Variants in VWDE observed in about 807,000 individuals in gnomAD.
The protein encoded by VWDE is von Willebrand factor D and EGF domain-containing protein.
In VWDE, 207 loss-of-function variants were observed where a neutral mutation model predicts 178.4. That is an observed-to-expected ratio of 1.16 (90% CI 1.04 to 1.30). The LOEUF (loss-of-function observed/expected upper bound fraction) is 1.30. Among genes scored for constraint, VWDE ranks in the 50% most tolerant of loss-of-function variants. The pLI, the probability that VWDE is intolerant of heterozygous loss-of-function variation, is 0.00. For synonymous variants in VWDE, 738 were observed against 651.4 expected, an observed-to-expected ratio of 1.13 and a Z score of -2.02; for missense variants, 2,287 against 1,901.3, an observed-to-expected ratio of 1.20 and a Z score of -3.77.
chr7:12,342,584 T>C (rs960534161), intron 22 of VWDE, among the ~76,000 whole-genome samples: 1 of 152,084 alleles, frequency 6.6e-6, no homozygotes, highest in South Asian at 2.1e-4. Flanking sequence ...TGGTAACTGT[T>C]GTCATCAATC....
intron 17 of VWDE, 63 bp downstream of exon 17, chr7:12,357,202 T>A: frequency 6.6e-7 from 1 of 1,511,344 alleles, no homozygotes; most frequent in Non-Finnish European, 8.9e-7. Flanking sequence ...GTATTTTAAA[T>A]TCAAATAAAG....
intron 12 of VWDE, 78 bp downstream of exon 12, chr7:12,369,467 G>A: frequency 7.0e-7 from 1 of 1,426,974 alleles, no homozygotes; most frequent in Non-Finnish European, 9.3e-7. Context: ...TTAGGATACT[G>A]AGGGTGAAAT....
chr7:12,361,773 T>C (rs1782594936), intron 13 of VWDE, among the ~76,000 whole-genome samples: 1 of 152,020 alleles, frequency 6.6e-6, no homozygotes, highest in African/African-American at 2.4e-5. Flanking sequence ...AAGTTACCAA[T>C]ATTGGTCATA....
intron 7 of VWDE, chr7:12,377,488 T>A (rs571647180): frequency 4.9e-6 from 1 of 203,016 alleles, no homozygotes; most frequent in South Asian, 1.9e-4. Context: ...GAGAAAAAAA[T>A]AGGAGAAAAA....
rs553522440 is a variant in VWDE, at chr7:12,380,140, A to G, written c.789+346T>C. ...AAAGTAATTAAAAAGTGACATCGTC[A>G]TTTAAAAAATTAAAACATTTTTTCT... On this transcript the variant is annotated intron_variant, in intron 5 of 28. Coordinates refer to ENST00000275358, the MANE Select transcript of VWDE (RefSeq NM_001135924.3). 7.3e-4 allele frequency among the ~76,000 whole-genome samples: 111 copies of G among 151,970 alleles called. 1 individual carries two copies. The highest frequency in any genetic ancestry group is 2.6e-3 in the African/African-American group (109 of 41,508).
rs1782935320 is a variant in VWDE at position 12,367,629 on chromosome 7, CTAAT to C, written c.2762-140_2762-137del. On this transcript the variant is annotated intron_variant, in intron 12 of 28. Transcript: ENST00000275358. ...TATACCTAAAATGCTGCTTACAACACTAATTAAGCCATTAAATGTTAAGAGTAAT... is the reference window on the plus strand; with the variant it reads ...TATACCTAAAATGCTGCTTACAACACTAAGCCATTAAATGTTAAGAGTAAT... 4.1e-5 allele frequency: 26 copies of C among 637,876 alleles called. 1 individual carries two copies. The East Asian group carries it at 7.6e-4, about 19-fold the overall frequency. The allele number at this position is 637,876 out of a possible 1,614,324, so 39.5% of individuals were successfully genotyped here.
chr7:12,336,370 A>G, intron 26 of VWDE, 134 bp from the exon 27 acceptor site: 1 of 711,170 alleles, frequency 1.4e-6, no homozygotes, highest in Non-Finnish European at 2.3e-6. Context: ...TTTCCCTAAT[A>G]TTTTATCAAG....
At chr7:12,383,986 G>C (rs1188981368) in intron 3 of VWDE, among the ~76,000 whole-genome samples, 1 of 152,098 alleles carries the variant, frequency 6.6e-6, no homozygotes, top group African/African-American at 2.4e-5. Context: ...ATATGACATA[G>C]AAATCATGCT....
intron 4 of VWDE, among the ~76,000 whole-genome samples, chr7:12,383,135 T>C (rs999404492): frequency 1.3e-5 from 2 of 152,094 alleles, no homozygotes; most frequent in African/African-American, 4.8e-5. Context: ...AATCAGCAGT[T>C]ACTGGATGTT....
rs962493076 is a variant in VWDE, at chr7:12,337,782, T to C, written c.4367-510A>G. ...TGCTTGGTAAAAATATTTTTAACAA[T>C]AAATCCTTGGTTTTGTTAAGAATAT... On this transcript the variant is annotated intron_variant, in intron 24 of 28. Coordinates refer to ENST00000275358, the MANE Select transcript of VWDE (RefSeq NM_001135924.3). Among the ~76,000 whole-genome samples, 8 of 152,274 alleles carry C rather than the reference T, an allele frequency of 5.3e-5. 1 individual carries two copies. The highest frequency in any genetic ancestry group is 3.4e-3 in the Middle Eastern group (1 of 294).
chr7:12,355,116 A>G (rs1199399229), intron 18 of VWDE, among the ~76,000 whole-genome samples: 1 of 152,156 alleles, frequency 6.6e-6, no homozygotes, highest in Non-Finnish European at 1.5e-5. Flanking sequence ...CATAGTTCCC[A>G]ATGATAAAAT....
Position 12,369,914 on chromosome 7 carries a change from G to A in VWDE, c.2392C>T (p.Pro798Ser), listed in dbSNP as rs556192021. Residue 798 changes from proline to serine, a missense_variant, in exon 12 of 29, where the codon CCC becomes TCC. By Grantham distance (74) the Pro-to-Ser change is moderately conservative. Coordinates refer to ENST00000275358, the MANE Select transcript of VWDE (RefSeq NM_001135924.3). ...QQEFFPSWPT[P>S]SGLTEYSTLT... ...GTGCTATACTCGGTGAGGCCAGAGG[G>A]AGTGGGCCAAGAGGGGAAAAACTCT... 1.2e-5 allele frequency: 19 copies of A among 1,551,352 alleles called. No homozygotes were observed. Among genetic ancestry groups the A allele is most frequent in the Non-Finnish European group, 1.7e-5 (19 of 1,146,892 alleles).
chr7:12,382,915 T>C (rs565627856), intron 4 of VWDE, among the ~76,000 whole-genome samples: 1 of 151,494 alleles, frequency 6.6e-6, no homozygotes, highest in Admixed American at 6.6e-5. Context: ...AAATAGAAAA[T>C]AAAAAGTATA....
chr7:12,359,770 G>A (rs2128552893), intron 15 of VWDE, 78 bp from the exon 16 acceptor site: 1 of 828,890 alleles, frequency 1.2e-6, no homozygotes, highest in East Asian at 2.7e-5. Context: ...GGATGGCAGT[G>A]TATGTATTGA....
chr7:12,344,941 T>G (rs1781521444), intron 19 of VWDE, among the ~76,000 whole-genome samples: 1 of 152,098 alleles, frequency 6.6e-6, no homozygotes, highest in Non-Finnish European at 1.5e-5. Context: ...ACCACAATGT[T>G]AATCAGATCT....
At chr7:12,373,280 A>G in intron 9 of VWDE, 33 bp from the exon 10 acceptor site, 1 of 1,540,176 alleles carries the variant, frequency 6.5e-7, no homozygotes, top group Non-Finnish European at 8.8e-7. Flanking sequence ...GCATTAAAAA[A>G]TCGTGTAAAA....
chr7:12,346,617 G>T (rs1240857211), intron 19 of VWDE, among the ~76,000 whole-genome samples: 1 of 151,344 alleles, frequency 6.6e-6, no homozygotes. Context: ...TCTTTTTGGC[G>T]GGGGCGGGGG....
intron 23 of VWDE, among the ~76,000 whole-genome samples, chr7:12,341,670 G>T (rs1781339682): frequency 1.3e-5 from 2 of 151,984 alleles, no homozygotes; most frequent in Admixed American, 6.6e-5. Flanking sequence ...TAAATAAATG[G>T]AATAACATGA....
chr7:12,403,692 C>G lies in VWDE; in HGVS notation c.25G>C (p.Val9Leu). Residue 9 changes from valine to leucine, a missense_variant, in exon 1 of 29, where the codon GTG (valine) becomes CTG (leucine). Physicochemically the swap from Val to Leu is conservative, Grantham distance 32. Transcript: ENST00000275358. Reference protein sequence around the residue: MPGGACVLVIALMFLAWGE... With the variant: MPGGACVLLIALMFLAWGE... ...CAGGCCAGGAACATCAGCGCGATCA[C>G]CAGCACGCAGGCTCCGCCAGGCATC... 6.5e-7 allele frequency: 1 copy of G among 1,548,666 alleles called. No homozygotes were observed.
Sources: gnomAD v4.1 joint callset for allele counts (sites outside exome capture counted in the v4.1 genomes callset) on GRCh38, gnomAD v4.1.1 for gene constraint, MANE v1.5 for transcripts, NCBI Gene and HGNC (gene_info 2026-07-23, HGNC 2026-07-21) for gene names.